Variants in SHLD2 observed in about 807,000 individuals in gnomAD.
SHLD2 encodes the protein shieldin complex subunit 2, also known as RINN1-REV7-interacting novel NHEJ regulator 2.
A neutral mutation model predicts 73.2 loss-of-function variants in SHLD2; 30 were observed. The observed-to-expected ratio is 0.41, with a 90% CI of 0.31 to 0.56. The LOEUF (loss-of-function observed/expected upper bound fraction) is 0.56. Ranked by LOEUF, SHLD2 falls within the 20% of genes least tolerant of loss-of-function variation. The pLI is 0.28. For missense variants in SHLD2, 745 were observed against 1,055.9 expected, an observed-to-expected ratio of 0.71 and a Z score of 4.08; for synonymous variants, 285 against 370.1, an observed-to-expected ratio of 0.77 and a Z score of 2.64.
intron 2 of SHLD2, among the ~76,000 whole-genome samples, chr10:87,098,666 G>C (rs1338636002): frequency 6.6e-6 from 1 of 152,148 alleles, no homozygotes; most frequent in African/African-American, 2.4e-5. Context: ...TTAAGTATTT[G>C]TTCCATTTAG....
chr10:87,113,634 A>G (rs1169597705), intron 2 of SHLD2, among the ~76,000 whole-genome samples: 1 of 152,228 alleles, frequency 6.6e-6, no homozygotes, highest in African/African-American at 2.4e-5. Context: ...GAATTAGTGT[A>G]GATGGTTGCA....
At chr10:87,143,251 C>T (rs1209864001) in intron 2 of SHLD2, among the ~76,000 whole-genome samples, 1 of 152,056 alleles carries the variant, frequency 6.6e-6, no homozygotes, top group African/African-American at 2.4e-5. Flanking sequence ...ATTCTGGCCT[C>T]TTGATGTTGC....
chr10:87,129,934 T>C (rs1844309450), intron 2 of SHLD2, among the ~76,000 whole-genome samples: 1 of 152,220 alleles, frequency 6.6e-6, no homozygotes. Flanking sequence ...TGGACACTAA[T>C]GATGGGGTAT....
chr10:87,100,532 C>T (rs1459352854), intron 2 of SHLD2, among the ~76,000 whole-genome samples: 1 of 150,358 alleles, frequency 6.7e-6, no homozygotes, highest in African/African-American at 2.5e-5. Flanking sequence ...GGCTGGAGTG[C>T]AATAGCGCGA....
At chr10:87,126,213 G>T (rs1412776467) in intron 2 of SHLD2, among the ~76,000 whole-genome samples, 4 of 151,978 alleles carry the variant, frequency 2.6e-5, no homozygotes, top group Admixed American at 6.6e-5. Flanking sequence ...CAAGTAGTTG[G>T]GACTAAAGGT....
chr10:87,144,302 A>G (rs573942441), intron 2 of SHLD2, among the ~76,000 whole-genome samples: 4 of 152,326 alleles, frequency 2.6e-5, no homozygotes, highest in African/African-American at 7.2e-5. Context: ...AAGCCAGAAT[A>G]AGAGAGGCTC....
intron 1 of SHLD2, 125 bp downstream of exon 1, chr10:87,095,373 G>T (rs1841754230): frequency 6.6e-6 from 1 of 152,230 alleles, no homozygotes; most frequent in African/African-American, 2.4e-5. Flanking sequence ...GTGAGGCTTG[G>T]CGGTCTGGTC....
intron 2 of SHLD2, among the ~76,000 whole-genome samples, chr10:87,141,901 C>T (rs1362239323): frequency 6.6e-6 from 1 of 151,952 alleles, no homozygotes; most frequent in Non-Finnish European, 1.5e-5. Flanking sequence ...TGTGGTGGTG[C>T]ATGCCTGTAA....
intron 8 of SHLD2, among the ~76,000 whole-genome samples, chr10:87,184,564 C>T (rs1243867795): frequency 6.6e-6 from 1 of 152,116 alleles, no homozygotes; most frequent in East Asian, 1.9e-4. Flanking sequence ...GCCTCCTCCC[C>T]TTTATTCTCT....
intron 2 of SHLD2, among the ~76,000 whole-genome samples, chr10:87,111,477 C>A (rs1222302679): frequency 1.3e-5 from 2 of 151,748 alleles, no homozygotes; most frequent in African/African-American, 2.4e-5. Context: ...CCCCTCTCTA[C>A]TACAAATACA....
At chr10:87,190,441 G>A (rs753601606) in intron 9 of SHLD2, 43 bp from the exon 10 acceptor site, 7 of 1,509,712 alleles carry the variant, frequency 4.6e-6, no homozygotes, top group Non-Finnish European at 6.4e-6. Flanking sequence ...CTCCTGTCAA[G>A]CTAGCAGCGA....
chr10:87,163,975 T>TTTA (rs1847012927), intron 4 of SHLD2, among the ~76,000 whole-genome samples: 1 of 150,530 alleles, frequency 6.6e-6, no homozygotes, highest in African/African-American at 2.4e-5. Context: ...TTTTTTTTTT[T>TTTA]GAGATGGACT....
intron 2 of SHLD2, among the ~76,000 whole-genome samples, chr10:87,142,583 G>A (rs558583482): frequency 6.6e-5 from 10 of 152,036 alleles, no homozygotes; most frequent in Non-Finnish European, 1.2e-4. Flanking sequence ...CTGAATGAAC[G>A]TTAAAGATAG....
intron 4 of SHLD2, among the ~76,000 whole-genome samples, chr10:87,168,787 A>G (rs1037110989): frequency 2.3e-4 from 35 of 151,936 alleles, no homozygotes; most frequent in Admixed American, 1.0e-3. Flanking sequence ...TACTAGAGGG[A>G]GAGGGTTGAA....
intron 2 of SHLD2, chr10:87,115,673 C>T (rs1464925562): frequency 6.6e-6 from 1 of 152,098 alleles, no homozygotes; most frequent in Non-Finnish European, 1.5e-5. Flanking sequence ...GAAAGTTTTA[C>T]TTGGAAGAGG....
upstream of SHLD2, chr10:87,094,554 G>C (rs373219196): frequency 6.2e-7 from 1 of 1,612,258 alleles, no homozygotes; most frequent in African/African-American, 1.3e-5. The surrounding 1 kb of genome is among the most constrained non-coding windows in gnomAD (Gnocchi z 6.6). Flanking sequence ...GATCGAAGAA[G>C]CCCTCCACCA....
At chr10:87,181,249 G>A (rs1398107647) in intron 8 of SHLD2, among the ~76,000 whole-genome samples, 2 of 150,938 alleles carry the variant, frequency 1.3e-5, no homozygotes, top group Non-Finnish European at 3.0e-5. Context: ...AGCTGGGCAG[G>A]TGACATAGGC....
chr10:87,150,206 A>G (rs1845914481), intron 2 of SHLD2, among the ~76,000 whole-genome samples: 1 of 150,960 alleles, frequency 6.6e-6, no homozygotes, highest in East Asian at 2.0e-4. Context: ...CTGAGACTTT[A>G]GGCACGGGCC....
At chr10:87,143,117 A>G (rs1339833859) in intron 2 of SHLD2, among the ~76,000 whole-genome samples, 2 of 150,972 alleles carry the variant, frequency 1.3e-5, no homozygotes, top group Non-Finnish European at 2.9e-5. Flanking sequence ...AATTTTTTGT[A>G]GCGACATAGT....
Sources: gnomAD v4.1 joint callset for allele counts (sites outside exome capture counted in the v4.1 genomes callset) on GRCh38, gnomAD v4.1.1 for gene constraint, Gnocchi (gnomAD v3.1) non-coding constraint, MANE v1.5 for transcripts, NCBI Gene and HGNC (gene_info 2026-07-23, HGNC 2026-07-21) for gene names.